The following BICC1 variants were observed in gnomAD, a reference collection of about 807,000 sequenced individuals.
The protein encoded by BICC1 is protein bicaudal C homolog 1.
BICC1 carries 43 observed loss-of-function variants against 111.0 expected under a neutral mutation model. That is an observed-to-expected ratio of 0.39 (90% CI 0.30 to 0.50). BICC1 has a LOEUF of 0.50. BICC1 is among the 20% of genes least tolerant of loss of function. The pLI is 0.88. For missense variants in BICC1, 1,091 were observed against 1,203.2 expected (o/e 0.91, Z 1.38); for synonymous variants, 467 against 434.4 (o/e 1.07, Z -0.93).
In BICC1 at chr10:58,800,327, G is replaced by A; in HGVS notation, c.1858+1G>A. 2 of 1,613,166 alleles carry A rather than the reference G, an allele frequency of 1.2e-6. No homozygotes were observed. The highest frequency in any genetic ancestry group is 1.1e-5 in the South Asian group (1 of 90,924). On this transcript the variant is annotated splice_donor_variant, in intron 13 of 20. Coordinates refer to ENST00000373886, the MANE Select transcript of BICC1 (RefSeq NM_001080512.3). LOFTEE classifies it high-confidence loss of function. ...TCTCCCAAATCAAGCCCCACTGAAG[G>A]TCGGGAACTGTACCCTTCTGAAATT...
chr10:58,700,209 G>A (rs921398721), intron 2 of BICC1, among the ~76,000 whole-genome samples: 1 of 152,146 alleles, frequency 6.6e-6, no homozygotes, highest in Admixed American at 6.5e-5. Context: ...AATAATTGTG[G>A]TTGGGTTGGT....
chr10:58,682,531 T>G (rs1839564557), intron 2 of BICC1, among the ~76,000 whole-genome samples: 1 of 152,208 alleles, frequency 6.6e-6, no homozygotes, highest in Non-Finnish European at 1.5e-5. Flanking sequence ...CAGCACCTGT[T>G]GTTTCCTGAC....
intron 3 of BICC1, among the ~76,000 whole-genome samples, chr10:58,710,748 G>T (rs1439416046): frequency 6.6e-6 from 1 of 152,036 alleles, no homozygotes; most frequent in Non-Finnish European, 1.5e-5. Flanking sequence ...TGTGTGTGTG[G>T]TTTTTTTCTG....
At position 58,530,698 on chromosome 10, in the gene BICC1, AAAAG is replaced by A. The variant is rs1196627173; in HGVS notation, c.190+17369_190+17372del. Among the ~76,000 whole-genome samples, 1,248 of 142,566 alleles carry A rather than the reference AAAAG, an allele frequency of 8.8e-3. 22 individuals are homozygous for A. Among genetic ancestry groups the A allele is most frequent in the African/African-American group, 0.025 (990 of 40,024 alleles). 93.5% of individuals were successfully genotyped at this position (142,566 alleles called of 152,430 possible). On this transcript the variant is annotated intron_variant, in intron 1 of 20. Transcript: ENST00000373886. ...TACTTTAAATGCAAAAAAAAAAAAA[AAAAG>A]AAAATCAGAAAGGGAGAGGCGGAAA...
At chr10:58,674,820 G>T (rs1353565302) in intron 2 of BICC1, among the ~76,000 whole-genome samples, 1 of 152,170 alleles carries the variant, frequency 6.6e-6, no homozygotes, top group African/African-American at 2.4e-5. Context: ...GTGAGGATAG[G>T]ACAGTGGCTA....
intron 3 of BICC1, among the ~76,000 whole-genome samples, chr10:58,739,915 T>C (rs1008308496): frequency 1.3e-5 from 2 of 152,234 alleles, no homozygotes; most frequent in African/African-American, 4.8e-5. Flanking sequence ...AACAAGTCTT[T>C]ATTTACTCTA....
intron 2 of BICC1, among the ~76,000 whole-genome samples, chr10:58,652,190 A>T (rs1396241600): frequency 6.6e-6 from 1 of 152,150 alleles, no homozygotes; most frequent in Non-Finnish European, 1.5e-5. Context: ...AACATAACCA[A>T]TCTATCATCT....
intron 2 of BICC1, among the ~76,000 whole-genome samples, chr10:58,641,490 G>T (rs543609069): frequency 1.7e-4 from 25 of 150,494 alleles, no homozygotes; most frequent in African/African-American, 5.9e-4. Context: ...TTGCTTTCCT[G>T]GAACAAACAC....
rs749217938 is a variant in BICC1, at chr10:58,801,001, G to A, written c.1970G>A (p.Arg657Lys). 9.3e-6 allele frequency: 15 copies of A among 1,611,736 alleles called. No individual in the cohort carries two copies. The highest frequency in any genetic ancestry group is 3.3e-4 in the Middle Eastern group (2 of 6,082). The change falls in exon 14 of 21, where the codon AGG becomes AAG. Residue 657 changes from arginine (R) to lysine (K), a missense_variant. Coordinates refer to ENST00000373886, the MANE Select transcript of BICC1 (RefSeq NM_001080512.3). ...MCPSKVSCAK[R>K]QTVELLQGTK... ...CCCTCCAAGGTTTCCTGTGCCAAAA[G>A]GCAGACAGTGGAACTATTGCAAGGC...
chr10:58,769,572 T>C (rs1308126615), intron 3 of BICC1, among the ~76,000 whole-genome samples: 1 of 151,640 alleles, frequency 6.6e-6, no homozygotes, highest in Non-Finnish European at 1.5e-5. Flanking sequence ...ATAAGTACCA[T>C]TTCCCATATA....
At chr10:58,706,107 T>C (rs1840379956) in intron 3 of BICC1, among the ~76,000 whole-genome samples, 1 of 152,186 alleles carries the variant, frequency 6.6e-6, no homozygotes, top group Admixed American at 6.5e-5. Flanking sequence ...CAGTCTCCTT[T>C]ACATTGAAAA....
At chr10:58,720,807 G>A (rs1840915772) in intron 3 of BICC1, among the ~76,000 whole-genome samples, 1 of 152,210 alleles carries the variant, frequency 6.6e-6, no homozygotes, top group African/African-American at 2.4e-5. Context: ...GATGAGTATA[G>A]TAGGTCGTAT....
intron 20 of BICC1, among the ~76,000 whole-genome samples, chr10:58,827,547 T>A (rs1438289473): frequency 6.6e-6 from 1 of 152,152 alleles, no homozygotes; most frequent in Non-Finnish European, 1.5e-5. Context: ...TTAATAGAGA[T>A]GACTTGATGG....
chr10:58,805,998 G>GT (rs1843697878), intron 15 of BICC1, among the ~76,000 whole-genome samples: 1 of 152,158 alleles, frequency 6.6e-6, no homozygotes, highest in African/African-American at 2.4e-5. Flanking sequence ...CAGTAACTAG[G>GT]TTTAATTTTA....
intron 18 of BICC1, among the ~76,000 whole-genome samples, chr10:58,815,127 A>C (rs1036161094): frequency 1.3e-5 from 2 of 152,134 alleles, no homozygotes; most frequent in African/African-American, 4.8e-5. Flanking sequence ...ACAAATTTGG[A>C]ATCCTGAAAC....
chr10:58,663,238 T>C (rs1838902205), intron 2 of BICC1, among the ~76,000 whole-genome samples: 1 of 152,000 alleles, frequency 6.6e-6, no homozygotes, highest in Non-Finnish European at 1.5e-5. Context: ...GGCTAATTTT[T>C]TTATTTTTAG....
intron 3 of BICC1, among the ~76,000 whole-genome samples, chr10:58,757,857 A>G (rs577805813): frequency 5.9e-5 from 9 of 152,280 alleles, no homozygotes; most frequent in Non-Finnish European, 1.3e-4. Flanking sequence ...CCTTTACATC[A>G]AAGGCTTCTC....
chr10:58,665,640 A>T (rs1413259384), intron 2 of BICC1, among the ~76,000 whole-genome samples: 1 of 151,106 alleles, frequency 6.6e-6, no homozygotes, highest in Non-Finnish European at 1.5e-5. Flanking sequence ...AAAACCAGGC[A>T]CTCATCTACA....
rs1554801033 is a variant in BICC1, at chr10:58,521,768, G to GTGTTTTTTT, written c.190+8436_190+8437insGTTTTTTTT. ...ATGAAAATCAGCCAGGGAATGTGGTGTTTTTTTTTTTTTTTTTTTTTTTTT... is the reference window on the plus strand; with the variant it reads ...ATGAAAATCAGCCAGGGAATGTGGTGTGTTTTTTTTTTTTTTTTTTTTTTTTTTTTTTTT... On this transcript the variant is annotated intron_variant, in intron 1 of 20. Transcript: ENST00000373886. Among the ~76,000 whole-genome samples, 2 of 112,810 alleles carry GTGTTTTTTT rather than the reference G, an allele frequency of 1.8e-5. 1 individual carries two copies. Among genetic ancestry groups the GTGTTTTTTT allele is most frequent in the African/African-American group, 6.0e-5 (2 of 33,376 alleles). The allele number at this position is 112,810 out of a possible 152,430, so 74.0% of individuals were successfully genotyped here. A position where few individuals can be genotyped will look rare whatever the true frequency, so the allele number is the denominator to read the frequency against.
Sources: gnomAD v4.1 joint callset for allele counts (sites outside exome capture counted in the v4.1 genomes callset) on GRCh38, gnomAD v4.1.1 for gene constraint, MANE v1.5 for transcripts, NCBI Gene and HGNC (gene_info 2026-07-23, HGNC 2026-07-21) for gene names.